The following EPHA6 variants were observed in gnomAD, a reference collection of about 807,000 sequenced individuals.
The protein encoded by EPHA6 is ephrin type-A receptor 6.
A neutral mutation model predicts 112.0 loss-of-function variants in EPHA6; 50 were observed. The ratio of observed to expected loss-of-function variants is 0.45; its 90% confidence interval spans 0.36 to 0.56. The LOEUF (loss-of-function observed/expected upper bound fraction) is 0.56. Among genes scored for constraint, EPHA6 ranks in the 20% least tolerant of loss-of-function variants. EPHA6 has a pLI of 0.00. For missense variants in EPHA6, 1,280 were observed against 1,417.4 expected (o/e 0.90, Z 1.56); for synonymous variants, 529 against 490.7 (o/e 1.08, Z -1.03).
intron 1 of EPHA6, 107 bp from the exon 2 acceptor site, chr3:96,866,718 A>G: frequency 3.7e-6 from 2 of 540,910 alleles, no homozygotes; most frequent in South Asian, 3.2e-5. Context: ...AGTGAATAAT[A>G]GTAAGTGTAA....
intron 11 of EPHA6, among the ~76,000 whole-genome samples, chr3:97,579,301 T>C (rs1012924497): frequency 6.6e-6 from 1 of 151,388 alleles, no homozygotes; most frequent in African/African-American, 2.4e-5. Context: ...ATTTTTATAT[T>C]CCCAGCCTTA....
intron 3 of EPHA6, among the ~76,000 whole-genome samples, chr3:97,006,825 C>A (rs2043898462): frequency 6.6e-6 from 1 of 152,120 alleles, no homozygotes; most frequent in Non-Finnish European, 1.5e-5. Context: ...TCATTGATTT[C>A]AAAGAACTTG....
intron 1 of EPHA6, among the ~76,000 whole-genome samples, chr3:96,837,440 T>C (rs536160449): frequency 6.6e-6 from 1 of 152,192 alleles, no homozygotes; most frequent in East Asian, 1.9e-4. Flanking sequence ...GTAAAGGGCA[T>C]TTTTAAAACA....
At chr3:96,958,225 G>A (rs1234018449) in intron 2 of EPHA6, among the ~76,000 whole-genome samples, 1 of 151,810 alleles carries the variant, frequency 6.6e-6, no homozygotes, top group Non-Finnish European at 1.5e-5. Flanking sequence ...GGGAGGCGGA[G>A]GTTGCAGTGA....
intron 13 of EPHA6, chr3:97,612,371 G>GT (rs1560190090): frequency 2.5e-6 from 1 of 394,196 alleles, no homozygotes; most frequent in Non-Finnish European, 5.1e-6. Context: ...TTTTATTTTT[G>GT]TATCAGCTGT....
At chr3:97,667,692 G>A (rs977197131) in intron 14 of EPHA6, among the ~76,000 whole-genome samples, 1 of 152,118 alleles carries the variant, frequency 6.6e-6, no homozygotes, top group Non-Finnish European at 1.5e-5. Context: ...AGAACAACAT[G>A]GGCAAACTCT....
In EPHA6 at chr3:97,475,475, C is replaced by T. The variant is rs1453755769; in HGVS notation, c.2003+15C>T. On this transcript the variant is annotated intron_variant, in intron 8 of 17. Coordinates refer to ENST00000389672, the MANE Select transcript of EPHA6 (RefSeq NM_001080448.3). ...ATCACTGGGAGGTAACTGAAACATA[C>T]CATACTATTTCCGAGATTTATGAAT... 2 of 1,536,840 alleles carry T rather than the reference C, an allele frequency of 1.3e-6. No homozygotes were observed. Among genetic ancestry groups the T allele is most frequent in the Non-Finnish European group, 1.8e-6 (2 of 1,114,854 alleles).
At chr3:97,098,112 C>T (rs1559726740) in intron 3 of EPHA6, among the ~76,000 whole-genome samples, 1 of 151,864 alleles carries the variant, frequency 6.6e-6, no homozygotes, top group African/African-American at 2.4e-5. Context: ...AAAGTTCTCA[C>T]AATGACTTTT....
At chr3:96,816,910 T>C (rs2032835889) in intron 1 of EPHA6, among the ~76,000 whole-genome samples, 1 of 151,802 alleles carries the variant, frequency 6.6e-6, no homozygotes, top group Non-Finnish European at 1.5e-5. Context: ...TCTCATAGTA[T>C]TTACAGATGT....
At position 97,090,320 on chromosome 3, in the gene EPHA6, GGTTT is replaced by G. The variant is rs1304838132; in HGVS notation, c.1114+102334_1114+102337del. Among the ~76,000 whole-genome samples, 6 of 151,980 alleles carry G rather than the reference GGTTT, an allele frequency of 3.9e-5. No individual in the cohort carries two copies. The South Asian group carries it at 6.2e-4, about 16-fold the overall frequency. On this transcript the variant is annotated intron_variant, in intron 3 of 17. Transcript: ENST00000389672. ...TGAAATTAAAAAATAGAAATAGCAT[GGTTT>G]GTTTGTATATAAATTATGGCTTTAT...
At chr3:97,270,921 G>T (rs1253963146) in intron 5 of EPHA6, among the ~76,000 whole-genome samples, 2 of 152,208 alleles carry the variant, frequency 1.3e-5, no homozygotes, top group African/African-American at 2.4e-5. Context: ...AAAGTAGTCT[G>T]TGGCTTATGG....
chr3:96,928,019 C>G (rs1193757588), intron 2 of EPHA6, among the ~76,000 whole-genome samples: 2 of 152,096 alleles, frequency 1.3e-5, no homozygotes, highest in Non-Finnish European at 2.9e-5. Context: ...GAAACTTTTG[C>G]AAAACTATCA....
intron 11 of EPHA6, chr3:97,560,595 T>C (rs1339140519): frequency 6.6e-6 from 1 of 152,022 alleles, no homozygotes; most frequent in Non-Finnish European, 1.5e-5. Context: ...CTTGGTGATA[T>C]GGTGAGCTTA....
At chr3:97,653,308 CAAT>C (rs1052807295) in intron 14 of EPHA6, among the ~76,000 whole-genome samples, 2 of 151,692 alleles carry the variant, frequency 1.3e-5, no homozygotes, top group African/African-American at 4.8e-5. Flanking sequence ...TCATACAACT[CAAT>C]AATAATAATA....
At chr3:97,479,386 T>G (rs2091466941) in intron 9 of EPHA6, 22 bp downstream of exon 9, 1 of 1,549,634 alleles carries the variant, frequency 6.5e-7, no homozygotes, top group African/African-American at 1.4e-5. Context: ...AGGGACTTTC[T>G]TTCATTATTT....
At chr3:97,125,459 G>A (rs2048157754) in intron 3 of EPHA6, among the ~76,000 whole-genome samples, 1 of 152,092 alleles carries the variant, frequency 6.6e-6, no homozygotes, top group African/African-American at 2.4e-5. Flanking sequence ...GATCACATCT[G>A]TTATCACTAT....
intron 5 of EPHA6, among the ~76,000 whole-genome samples, chr3:97,355,648 A>G (rs2084032662): frequency 6.6e-6 from 1 of 152,200 alleles, no homozygotes; most frequent in African/African-American, 2.4e-5. Context: ...CAGAAAACAA[A>G]TAACAAAGTG....
At chr3:97,523,945 C>T (rs904008219) in intron 10 of EPHA6, among the ~76,000 whole-genome samples, 1 of 151,984 alleles carries the variant, frequency 6.6e-6, no homozygotes, top group Admixed American at 6.6e-5. Context: ...TACCATCTGC[C>T]TCTTATTCCA....
chr3:97,106,998 A>C (rs189558081), intron 3 of EPHA6, among the ~76,000 whole-genome samples: 1 of 152,280 alleles, frequency 6.6e-6, no homozygotes, highest in African/African-American at 2.4e-5. Context: ...AGAAACAAGT[A>C]TAGAAAATTC....
Sources: allele counts gnomAD v4.1 joint callset (sites outside exome capture counted in the v4.1 genomes callset), GRCh38; gene constraint gnomAD v4.1.1; transcripts MANE v1.5; gene names NCBI Gene and HGNC (gene_info 2026-07-23, HGNC 2026-07-21).